ZNF567: variants seen among roughly 807,000 people sequenced by gnomAD.
ZNF567 encodes zinc finger protein 567.
Under a neutral mutation model 53.9 loss-of-function variants are expected in ZNF567, and 36 were observed. That is an observed-to-expected ratio of 0.67 (90% CI 0.51 to 0.88). The LOEUF is 0.88. Ranked by LOEUF, ZNF567 falls within the 40% of genes least tolerant of loss-of-function variation. The pLI is 0.00. For missense variants in ZNF567, 619 were observed against 764.7 expected, an observed-to-expected ratio of 0.81 and a Z score of 2.25; for synonymous variants, 224 against 260.4, an observed-to-expected ratio of 0.86 and a Z score of 1.35.
At chr19:36,680,917 G>C in the ZNF567 span, among the ~76,000 whole-genome samples, 1 of 152,064 alleles carries the variant, frequency 6.6e-6, no homozygotes, top group Non-Finnish European at 1.5e-5. Context: ...GACAATCCAG[G>C]ATGAACTACT....
chr19:36,677,135 A>G, the ZNF567 span, among the ~76,000 whole-genome samples: 2 of 136,844 alleles, frequency 1.5e-5, no homozygotes, highest in Non-Finnish European at 3.1e-5. Context: ...AGCCTGGGCA[A>G]CAAGAGCGAA....
In ZNF567 at chr19:36,720,342, A is replaced by C; in HGVS notation, c.1618A>C (p.Lys540Gln). ...EKPYVCNECG[K>Q]SFRQKATLTV... ...ACCCTATGTTTGTAATGAATGTGGG[A>C]AGTCCTTTCGCCAGAAAGCAACCCT... Residue 540 changes from lysine (K) to glutamine (Q), a missense_variant, in exon 6 of 6, where the codon AAG (lysine) becomes CAG (glutamine). Physicochemically the swap from Lys to Gln is moderately conservative, Grantham distance 53. Transcript: ENST00000682579. 1 of 1,614,212 alleles carries C rather than the reference A, an allele frequency of 6.2e-7. No individual in the cohort carries two copies. The highest frequency in any genetic ancestry group is 8.5e-7 in the Non-Finnish European group (1 of 1,180,032).
intron 5 of ZNF567, 100 bp downstream of exon 5, chr19:36,712,967 T>C (rs2039865732): frequency 1.1e-6 from 1 of 937,556 alleles, no homozygotes; most frequent in Admixed American, 2.9e-5. Context: ...AGTATCTTTT[T>C]TTAAAGGCTC....
chr19:36,701,032 T>C (rs2145689737), intron 3 of ZNF567, among the ~76,000 whole-genome samples: 1 of 152,190 alleles, frequency 6.6e-6, no homozygotes, highest in African/African-American at 2.4e-5. Flanking sequence ...CAATTTTGGA[T>C]CTTTCCTGCT....
At position 36,694,884 on chromosome 19, in the gene ZNF567, G is replaced by A. The variant is rs755235158; in HGVS notation, c.9+8G>A. The A allele has an allele frequency of 1.7e-4, 260 of 1,517,414 alleles. No individual in the cohort carries two copies. The highest frequency in any genetic ancestry group is 7.5e-4 in the Admixed American group (35 of 46,640). 94.0% of individuals were successfully genotyped at this position (1,517,414 alleles called of 1,614,324 possible). A position where few individuals can be genotyped will look rare whatever the true frequency, so the allele number is the denominator to read the frequency against. On this transcript the variant is annotated splice_region_variant and intron_variant, in intron 3 of 5. Coordinates refer to ENST00000682579, the MANE Select transcript of ZNF567 (RefSeq NM_001322917.1). Reference sequence around the variant, plus strand: ...CTCAAAACCATGGCTCAGGTAAGGCGATGGTTTCTCTCTCCTTTCTGAAAG... The same window carrying A: ...CTCAAAACCATGGCTCAGGTAAGGCAATGGTTTCTCTCTCCTTTCTGAAAG...
At chr19:36,704,351 G>T (rs1334611694) in intron 3 of ZNF567, among the ~76,000 whole-genome samples, 2 of 152,154 alleles carry the variant, frequency 1.3e-5, no homozygotes, top group African/African-American at 4.8e-5. Context: ...AACCCAGGAG[G>T]TGGAGGTTGC....
chr19:36,683,948 T>C (rs187616364), upstream of ZNF567, among the ~76,000 whole-genome samples: 991 of 152,316 alleles, frequency 6.5e-3, 35 homozygotes, highest in Admixed American at 0.059. Flanking sequence ...GGGCAATTGA[T>C]ATAGATGTGT....
chr19:36,680,765 G>C, the ZNF567 span, among the ~76,000 whole-genome samples: 3 of 152,094 alleles, frequency 2.0e-5, no homozygotes, highest in Non-Finnish European at 4.4e-5. Flanking sequence ...GCCATTCCTT[G>C]ACCATTCCTT....
the ZNF567 span, among the ~76,000 whole-genome samples, chr19:36,676,391 A>G: frequency 6.7e-6 from 1 of 148,906 alleles, no homozygotes; most frequent in African/African-American, 2.5e-5. Flanking sequence ...TTAACTGATC[A>G]CTTAACAGTT....
downstream of ZNF567, among the ~76,000 whole-genome samples, chr19:36,722,085 C>G (rs1444373621): frequency 6.6e-6 from 1 of 151,918 alleles, no homozygotes; most frequent in African/African-American, 2.4e-5. Context: ...AAATGTAAGT[C>G]TCTGAAAATC....
chr19:36,690,449 A>G (rs1348060949), intron 2 of ZNF567, among the ~76,000 whole-genome samples: 4 of 152,074 alleles, frequency 2.6e-5, no homozygotes, highest in Non-Finnish European at 2.9e-5. Flanking sequence ...AAAATTAGCC[A>G]GGCGTAGTGG....
chr19:36,688,844 C>T (rs2145515622), intron 1 of ZNF567, among the ~76,000 whole-genome samples: 1 of 149,606 alleles, frequency 6.7e-6, no homozygotes, highest in Middle Eastern at 3.8e-3. Context: ...CGCGGTGGCT[C>T]ACGCCTGCAA....
At chr19:36,678,630 G>T in the ZNF567 span, among the ~76,000 whole-genome samples, 1 of 151,844 alleles carries the variant, frequency 6.6e-6, no homozygotes, top group African/African-American at 2.4e-5. Flanking sequence ...GGATCATGAG[G>T]TCAGGAGATT....
chr19:36,726,789 G>T (rs905378289), downstream of ZNF567, among the ~76,000 whole-genome samples: 1 of 152,036 alleles, frequency 6.6e-6, no homozygotes, highest in African/African-American at 2.4e-5. Flanking sequence ...GACTCCAGGG[G>T]CCCTACGTAA....
At chr19:36,678,865 A>G in the ZNF567 span, among the ~76,000 whole-genome samples, 1 of 151,460 alleles carries the variant, frequency 6.6e-6, no homozygotes, top group East Asian at 1.9e-4. Flanking sequence ...AAAAAAAAAG[A>G]ATACAAATAA....
the ZNF567 span, among the ~76,000 whole-genome samples, chr19:36,677,706 G>A: frequency 3.3e-5 from 5 of 152,232 alleles, no homozygotes; most frequent in South Asian, 1.0e-3. Context: ...GGTGGAGTTT[G>A]CAGTGAGCTG....
intron 5 of ZNF567, among the ~76,000 whole-genome samples, chr19:36,718,376 G>A (rs2040160072): frequency 6.6e-6 from 1 of 152,118 alleles, no homozygotes; most frequent in South Asian, 2.1e-4. Flanking sequence ...GCACATGCCT[G>A]TAATCCCAGC....
chr19:36,717,226 G>A (rs953620214), intron 5 of ZNF567, among the ~76,000 whole-genome samples: 13 of 152,232 alleles, frequency 8.5e-5, no homozygotes, highest in South Asian at 2.1e-4. Flanking sequence ...AAAGTGTAAG[G>A]TTGTTAAAAG....
chr19:36,692,572 C>T (rs1007592482), intron 2 of ZNF567, among the ~76,000 whole-genome samples: 6 of 152,056 alleles, frequency 3.9e-5, no homozygotes, highest in Non-Finnish European at 8.8e-5. Flanking sequence ...GACAGAGTCT[C>T]ACTATGTTTC....
Sources: gnomAD v4.1 joint callset for allele counts (sites outside exome capture counted in the v4.1 genomes callset) on GRCh38, gnomAD v4.1.1 for gene constraint, MANE v1.5 for transcripts, NCBI Gene and HGNC (gene_info 2026-07-23, HGNC 2026-07-21) for gene names.